The following RPS6KA3 variants were observed in gnomAD, a reference collection of about 807,000 sequenced individuals.
RPS6KA3 encodes the protein ribosomal protein S6 kinase alpha-3.
Under a neutral mutation model 67.2 loss-of-function variants are expected in RPS6KA3, and 4 were observed. The observed-to-expected ratio is 0.06, with a 90% CI of 0.03 to 0.14. The LOEUF (loss-of-function observed/expected upper bound fraction) is 0.14. Ranked by LOEUF, RPS6KA3 falls within the 10% of genes least tolerant of loss-of-function variation. The pLI is 1.00. For synonymous variants in RPS6KA3, 182 were observed against 183.7 expected, an observed-to-expected ratio of 0.99 and a Z score of 0.07; for missense variants, 204 against 559.0, an observed-to-expected ratio of 0.36 and a Z score of 6.40.
At chrX:20,262,483 C>A (rs1443223319) in intron 1 of RPS6KA3, among the ~76,000 whole-genome samples, 6 of 111,871 alleles carry the variant, frequency 5.4e-5, no homozygotes, top group Non-Finnish European at 1.1e-4. Flanking sequence ...TTTGCTCCTG[C>A]AATTAGATAA....
At chrX:20,169,874 C>T (rs759968374) in intron 15 of RPS6KA3, among the ~76,000 whole-genome samples, 46 of 110,539 alleles carry the variant, frequency 4.2e-4, no homozygotes, top group Admixed American at 9.5e-5. Flanking sequence ...TCTAACCCCC[C>T]ATCAATACAG....
chrX:20,205,931 G>A lies in RPS6KA3; in HGVS notation c.244-1828C>T, dbSNP rs1215234596. On this transcript the variant is annotated intron_variant, in intron 3 of 21. Coordinates refer to ENST00000379565, the MANE Select transcript of RPS6KA3 (RefSeq NM_004586.3). Reference sequence around the variant, plus strand: ...GTAATAAATCATCGTGTCAATTTTGGGAGGCAGACCTACTAGGCAATGCCT... The same window carrying A: ...GTAATAAATCATCGTGTCAATTTTGAGAGGCAGACCTACTAGGCAATGCCT... Among the ~76,000 whole-genome samples the A allele has an allele frequency of 2.7e-5, 3 of 112,296 alleles. No individual in the cohort carries two copies. The East Asian group carries it at 8.3e-4, about 31-fold the overall frequency.
At chrX:20,167,197 C>T (rs1345030969) in intron 17 of RPS6KA3, among the ~76,000 whole-genome samples, 1 of 111,706 alleles carries the variant, frequency 9.0e-6, no homozygotes, top group African/African-American at 3.3e-5. Context: ...ATCCACCAGC[C>T]GAAGCATGTG....
chrX:20,183,009 G>T (rs2067882276), intron 10 of RPS6KA3, among the ~76,000 whole-genome samples: 1 of 110,474 alleles, frequency 9.1e-6, no homozygotes, highest in Non-Finnish European at 1.9e-5. Flanking sequence ...ATTTTAATTT[G>T]CATTTTCTGA....
At chrX:20,182,434 C>T (rs746624922) in intron 10 of RPS6KA3, among the ~76,000 whole-genome samples, 186 of 111,904 alleles carry the variant, frequency 1.7e-3, no homozygotes, top group Non-Finnish European at 3.1e-3. Context: ...AAGGCTTCAG[C>T]CTGTTTTTGA....
intron 2 of RPS6KA3, among the ~76,000 whole-genome samples, chrX:20,220,454 G>A (rs184696008): frequency 9.1e-6 from 1 of 109,381 alleles, no homozygotes; most frequent in African/African-American, 3.5e-5. Context: ...AGCAAGGCTA[G>A]GACAACCGCC....
At chrX:20,209,221 CT>C in intron 3 of RPS6KA3, 66 bp downstream of exon 3, 1 of 620,447 alleles carries the variant, frequency 1.6e-6, no homozygotes, top group Non-Finnish European at 2.8e-6. Context: ...TATTTGTTTC[CT>C]CATGTATATG....
chrX:20,221,184 T>G (rs1425935661), intron 2 of RPS6KA3, among the ~76,000 whole-genome samples: 1 of 111,738 alleles, frequency 8.9e-6, no homozygotes, highest in Non-Finnish European at 1.9e-5. Context: ...ATATCACACA[T>G]AAGACCTCAA....
intron 1 of RPS6KA3, chrX:20,240,528 A>C (rs1458193127): frequency 2.0e-6 from 1 of 510,004 alleles, no homozygotes; most frequent in African/African-American, 2.6e-5. Flanking sequence ...ATAAGAAACA[A>C]GCACTTTATA....
In RPS6KA3 at chrX:20,150,712, T is replaced by C. The variant is rs1569179363; in HGVS notation, c.*4686A>G. On this transcript the variant is annotated 3_prime_UTR_variant, in exon 22 of 22. Coordinates refer to ENST00000379565, the MANE Select transcript of RPS6KA3 (RefSeq NM_004586.3). ...CCATTAGACAATGAACTAATCTACT[T>C]AGAGAGGACTATTATAGCGACTCTC... 2 of 112,478 alleles carry C rather than the reference T, an allele frequency of 1.8e-5. No individual in the cohort carries two copies. The highest frequency in any genetic ancestry group is 1.9e-5 in the Non-Finnish European group (1 of 53,213). 9.3% of individuals were successfully genotyped at this position (112,478 alleles called of 1,213,427 possible). A position where few individuals can be genotyped will look rare whatever the true frequency, so the allele number is the denominator to read the frequency against.
At chrX:20,173,650 T>G (rs2067626782) in intron 14 of RPS6KA3, among the ~76,000 whole-genome samples, 1 of 112,630 alleles carries the variant, frequency 8.9e-6, no homozygotes, top group African/African-American at 3.2e-5. Context: ...TACAAGTTTG[T>G]GGTTTCTATG....
At chrX:20,249,423 C>G (rs1001658530) in intron 1 of RPS6KA3, among the ~76,000 whole-genome samples, 1 of 111,856 alleles carries the variant, frequency 8.9e-6, no homozygotes, top group Non-Finnish European at 1.9e-5. Context: ...TATGCCCTCA[C>G]CAGCAATATA....
At position 20,266,669 on chromosome X, in the gene RPS6KA3, C is replaced by T. The variant is rs1475929214; in HGVS notation, c.-37G>A. The T allele has an allele frequency of 3.8e-6, 4 of 1,058,879 alleles. No individual in the cohort carries two copies. Among genetic ancestry groups the T allele is most frequent in the East Asian group, 4.0e-5 (1 of 25,210 alleles). The allele number at this position is 1,058,879 out of a possible 1,213,427, so 87.3% of individuals were successfully genotyped here. On this transcript the variant is annotated 5_prime_UTR_variant, in exon 1 of 22. Coordinates refer to ENST00000379565, the MANE Select transcript of RPS6KA3 (RefSeq NM_004586.3). ...GCCCGCCGCCTTCACCGCCTCCTCC[C>T]TCCCCGCCCGCCCCACGGCCGGCCC...
intron 3 of RPS6KA3, 109 bp downstream of exon 3, chrX:20,209,179 G>T: frequency 1.9e-6 from 1 of 533,311 alleles, no homozygotes; most frequent in East Asian, 3.4e-5. Flanking sequence ...AGAAAACATT[G>T]CTGGTAGGAA....
At chrX:20,200,114 T>C (rs1254194253) in intron 4 of RPS6KA3, among the ~76,000 whole-genome samples, 1 of 112,001 alleles carries the variant, frequency 8.9e-6, no homozygotes, top group African/African-American at 3.2e-5. Flanking sequence ...GTGAAGGAAA[T>C]GTGACTGTAG....
At position 20,153,476 on chromosome X, in the gene RPS6KA3, TTTCAGGACA is replaced by T. The variant is rs1447681356; in HGVS notation, c.*1913_*1921del. On this transcript the variant is annotated 3_prime_UTR_variant, in exon 22 of 22. Transcript: ENST00000379565. ...GAGAAATTAAGGAATGACAAGTGGA[TTTCAGGACA>T]TTTAGATAAACCACACTCTCTTGGC... 3.6e-5 allele frequency: 4 copies of T among 111,740 alleles called. No individual in the cohort carries two copies. The highest frequency in any genetic ancestry group is 7.5e-5 in the Non-Finnish European group (4 of 53,113). The allele number at this position is 111,740 out of a possible 1,213,427, so 9.2% of individuals were successfully genotyped here.
chrX:20,258,830 T>C (rs1028390487), intron 1 of RPS6KA3, among the ~76,000 whole-genome samples: 2 of 112,120 alleles, frequency 1.8e-5, no homozygotes, highest in African/African-American at 6.5e-5. Context: ...TTTAGGAAAC[T>C]AGCACTACTT....
chrX:20,189,791 T>C (rs928220043), intron 7 of RPS6KA3, among the ~76,000 whole-genome samples: 1 of 112,455 alleles, frequency 8.9e-6, no homozygotes, highest in African/African-American at 3.2e-5. Flanking sequence ...TCAAACTTTG[T>C]TATAAAATTT....
chrX:20,164,547 G>C (rs2067389312), intron 18 of RPS6KA3, among the ~76,000 whole-genome samples: 1 of 109,387 alleles, frequency 9.1e-6, no homozygotes, highest in South Asian at 4.0e-4. Context: ...ACCATGCCCA[G>C]CTAATTTTAA....
Sources: allele counts gnomAD v4.1 joint callset (sites outside exome capture counted in the v4.1 genomes callset), GRCh38; gene constraint gnomAD v4.1.1; transcripts MANE v1.5; gene names NCBI Gene and HGNC (gene_info 2026-07-23, HGNC 2026-07-21).